Variants in PCDH15 observed in about 807,000 individuals in gnomAD.
PCDH15 encodes the protein protocadherin-15.
PCDH15 carries 129 observed loss-of-function variants against 178.5 expected under a neutral mutation model. The observed-to-expected ratio is 0.72, with a 90% CI of 0.63 to 0.84. The LOEUF (loss-of-function observed/expected upper bound fraction) is 0.84, where lower values mean the gene tolerates loss of function less well. PCDH15 is among the 40% of genes least tolerant of loss of function. The pLI, the probability that PCDH15 is intolerant of heterozygous loss-of-function variation, is 0.00. For synonymous variants in PCDH15, 800 were observed against 732.0 expected, an observed-to-expected ratio of 1.09 and a Z score of -1.50; for missense variants, 2,230 against 2,099.9, an observed-to-expected ratio of 1.06 and a Z score of -1.21.
In PCDH15 at chr10:54,213,966, G is replaced by A. The variant is rs967540606; in HGVS notation, c.1068C>T (p.Asp356=). The A allele has an allele frequency of 3.1e-6, 5 of 1,606,252 alleles. No homozygotes were observed. The highest frequency in any genetic ancestry group is 1.3e-5 in the African/African-American group (1 of 74,698). ...TAACCAAATCAAATTTCTGGTGAAAGTCTCTGTTTACTGGCTCCAGGAGAC... is the reference window on the plus strand; with the variant it reads ...TAACCAAATCAAATTTCTGGTGAAAATCTCTGTTTACTGGCTCCAGGAGAC... ...ELSLLEPVNR[D]FHQKFDLVIK... Residue 356 remains aspartate, a synonymous_variant, in exon 10 of 38, where the codon GAC becomes GAT. Coordinates refer to ENST00000644397, the MANE Select transcript of PCDH15 (RefSeq NM_001384140.1).
chr10:53,910,448 A>C (rs899797509), intron 25 of PCDH15, among the ~76,000 whole-genome samples: 12 of 152,228 alleles, frequency 7.9e-5, no homozygotes, highest in Non-Finnish European at 1.5e-5. Flanking sequence ...ACTAACAAAC[A>C]GAAAGGAATA....
chr10:55,234,346 T>A (rs1386024582), intron 1 of PCDH15, among the ~76,000 whole-genome samples: 2 of 152,040 alleles, frequency 1.3e-5, no homozygotes, highest in African/African-American at 4.8e-5. Context: ...TTAAAAAAAA[T>A]TAAATATTCA....
intron 1 of PCDH15, among the ~76,000 whole-genome samples, chr10:55,221,269 GAA>G (rs1840867814): frequency 6.6e-6 from 1 of 152,072 alleles, no homozygotes; most frequent in Admixed American, 6.5e-5. Flanking sequence ...TAGGGTTACA[GAA>G]CAGAGACATG....
chr10:54,715,365 G>A (rs927815699), intron 1 of PCDH15, among the ~76,000 whole-genome samples: 1 of 150,884 alleles, frequency 6.6e-6, no homozygotes, highest in Non-Finnish European at 1.5e-5. Flanking sequence ...AATCGCCCAT[G>A]CACTTGTTGC....
At chr10:54,394,203 T>C (rs1296667246) in intron 3 of PCDH15, among the ~76,000 whole-genome samples, 2 of 152,064 alleles carry the variant, frequency 1.3e-5, no homozygotes, top group Non-Finnish European at 2.9e-5. Context: ...CATGAATCTA[T>C]TCATTTTTAC....
At chr10:55,281,693 A>G (rs1443387758) in intron 1 of PCDH15, among the ~76,000 whole-genome samples, 1 of 152,130 alleles carries the variant, frequency 6.6e-6, no homozygotes, top group Non-Finnish European at 1.5e-5. Flanking sequence ...TCAAATCCAT[A>G]TATTAACCTG....
intron 2 of PCDH15, among the ~76,000 whole-genome samples, chr10:55,494,335 T>A (rs2132131509): frequency 6.6e-6 from 1 of 151,898 alleles, no homozygotes; most frequent in Admixed American, 6.6e-5. Context: ...TTCATTCCTT[T>A]AACTTTAAAC....
chr10:54,434,217 G>C (rs1020293375), intron 3 of PCDH15, among the ~76,000 whole-genome samples: 4 of 151,580 alleles, frequency 2.6e-5, no homozygotes, highest in Non-Finnish European at 5.9e-5. Flanking sequence ...ATTAAGTAAA[G>C]ATACAGTAAG....
At chr10:55,474,713 T>A (rs1840029604) in intron 2 of PCDH15, among the ~76,000 whole-genome samples, 1 of 152,178 alleles carries the variant, frequency 6.6e-6, no homozygotes, top group African/African-American at 2.4e-5. Context: ...TGCCTGACAA[T>A]TTGCTGCCTC....
At chr10:55,318,284 T>G (rs948350771) in intron 1 of PCDH15, among the ~76,000 whole-genome samples, 1 of 152,022 alleles carries the variant, frequency 6.6e-6, no homozygotes, top group Non-Finnish European at 1.5e-5. Flanking sequence ...TGGATATCAA[T>G]GAGCTCAAAC....
At chr10:55,588,118 G>A (rs910688583) in intron 2 of PCDH15, among the ~76,000 whole-genome samples, 2 of 152,092 alleles carry the variant, frequency 1.3e-5, no homozygotes, top group African/African-American at 4.8e-5. Context: ...TGATGTAGGA[G>A]GTGTTACATT....
chr10:53,911,648 A>C (rs1187089247), intron 25 of PCDH15, among the ~76,000 whole-genome samples: 1 of 152,216 alleles, frequency 6.6e-6, no homozygotes, highest in East Asian at 1.9e-4. Flanking sequence ...CAAAAAAATC[A>C]ATGAATCCAG....
chr10:54,863,437 G>A (rs932474526), intron 3 of PCDH15, among the ~76,000 whole-genome samples: 9 of 152,124 alleles, frequency 5.9e-5, no homozygotes, highest in African/African-American at 2.2e-4. Context: ...ATCTACTCGG[G>A]AGGCTGAGGC....
chr10:54,501,637 T>G (rs1230165583), intron 3 of PCDH15, among the ~76,000 whole-genome samples: 1 of 152,122 alleles, frequency 6.6e-6, no homozygotes, highest in Admixed American at 6.6e-5. Context: ...ACATTCTCCC[T>G]TCTACTCTTC....
intron 2 of PCDH15, among the ~76,000 whole-genome samples, chr10:55,092,186 T>A (rs943242184): frequency 4.0e-5 from 6 of 151,824 alleles, no homozygotes; most frequent in East Asian, 1.9e-4. Flanking sequence ...TCAAAAGAAA[T>A]AATGGAGATG....
At chr10:54,408,189 C>T (rs1210870606) in intron 3 of PCDH15, among the ~76,000 whole-genome samples, 1 of 150,070 alleles carries the variant, frequency 6.7e-6, no homozygotes, top group African/African-American at 2.5e-5. Flanking sequence ...TTGATGCATG[C>T]TTGCTTTCTC....
chr10:53,935,863 T>C (rs2085528737), intron 25 of PCDH15, among the ~76,000 whole-genome samples: 2 of 151,704 alleles, frequency 1.3e-5, no homozygotes, highest in Admixed American at 6.6e-5. Flanking sequence ...AATATAGAAG[T>C]AATAAAAATA....
intron 9 of PCDH15, among the ~76,000 whole-genome samples, chr10:54,217,517 G>C (rs893987581): frequency 5.9e-5 from 9 of 152,088 alleles, no homozygotes; most frequent in Admixed American, 1.3e-4. Flanking sequence ...TTGAAAGCTG[G>C]ATTCTTGGCA....
intron 2 of PCDH15, among the ~76,000 whole-genome samples, chr10:55,161,275 C>T (rs1436010832): frequency 6.6e-6 from 1 of 152,162 alleles, no homozygotes; most frequent in Non-Finnish European, 1.5e-5. Flanking sequence ...AGAGGAAGGG[C>T]TATCTTATGG....
Sources: allele counts gnomAD v4.1 joint callset (sites outside exome capture counted in the v4.1 genomes callset), GRCh38; gene constraint gnomAD v4.1.1; transcripts MANE v1.5; gene names NCBI Gene and HGNC (gene_info 2026-07-23, HGNC 2026-07-21).